The following SLC6A11 variants were observed in gnomAD, a reference collection of about 807,000 sequenced individuals.
SLC6A11 encodes the protein sodium- and chloride-dependent GABA transporter 3.
A neutral mutation model predicts 74.8 loss-of-function variants in SLC6A11; 25 were observed. The ratio of observed to expected loss-of-function variants is 0.33; its 90% CI spans 0.24 to 0.47. The LOEUF (loss-of-function observed/expected upper bound fraction) is 0.47, where lower values mean the gene tolerates loss of function less well. Ranked by LOEUF, SLC6A11 falls within the 20% of genes least tolerant of loss-of-function variation. SLC6A11 has a pLI of 1.00. For missense variants in SLC6A11, 574 were observed against 837.0 expected, an observed-to-expected ratio of 0.69 and a Z score of 3.88; for synonymous variants, 330 against 330.2, an observed-to-expected ratio of 1.00 and a Z score of 0.01.
intron 6 of SLC6A11, among the ~76,000 whole-genome samples, chr3:10,910,367 G>T (rs1267496362): frequency 6.6e-6 from 1 of 152,132 alleles, no homozygotes; most frequent in African/African-American, 2.4e-5. Flanking sequence ...GTGGGCATGA[G>T]TATTTTCTTT....
rs1241509443 is a variant in SLC6A11 at position 10,915,968 on chromosome 3, C to T, written c.996-2361C>T. ...AGCATGGGCTTTGATCTATGTGACT[C>T]ATCTCCCTCAGCCTCAGGATTCAGT... On this transcript the variant is annotated intron_variant, in intron 7 of 13. Coordinates refer to ENST00000254488, the MANE Select transcript of SLC6A11 (RefSeq NM_014229.3). This position sits in a 1 kb window ranked among gnomAD's most constrained non-coding sequence, Gnocchi z 4.3. Among the ~76,000 whole-genome samples the T allele has an allele frequency of 6.6e-6, 1 of 152,178 alleles. No individual in the cohort carries two copies. Among genetic ancestry groups the T allele is most frequent in the African/African-American group, 2.4e-5 (1 of 41,436 alleles).
chr3:10,854,653 A>G (rs78997684), intron 5 of SLC6A11, among the ~76,000 whole-genome samples: 5 of 152,288 alleles, frequency 3.3e-5, no homozygotes, highest in Non-Finnish European at 7.4e-5. Context: ...TAAGGAAGCC[A>G]TTCGAGGTCT....
At chr3:10,867,601 G>A (rs367658590) in intron 5 of SLC6A11, among the ~76,000 whole-genome samples, 2 of 152,206 alleles carry the variant, frequency 1.3e-5, no homozygotes, top group Non-Finnish European at 2.9e-5. Flanking sequence ...GGCTGACTGA[G>A]AGAGCAAGGA....
intron 5 of SLC6A11, among the ~76,000 whole-genome samples, chr3:10,869,530 C>T (rs907660400): frequency 6.6e-6 from 1 of 152,226 alleles, no homozygotes; most frequent in African/African-American, 2.4e-5. Context: ...TGGGGATGGA[C>T]TCTGTGGACA....
At chr3:10,831,897 G>T (rs1404748438) in intron 4 of SLC6A11, among the ~76,000 whole-genome samples, 1 of 152,106 alleles carries the variant, frequency 6.6e-6, no homozygotes, top group Non-Finnish European at 1.5e-5. Context: ...GTGAAATGAA[G>T]CATGCTTTCT....
intron 6 of SLC6A11, among the ~76,000 whole-genome samples, chr3:10,898,093 G>A (rs1442932013): frequency 6.6e-6 from 1 of 152,196 alleles, no homozygotes; most frequent in Non-Finnish European, 1.5e-5. Flanking sequence ...GGGACACAAG[G>A]CACCATGTCC....
chr3:10,848,175 ACCTGTTC>A (rs1694527994), intron 5 of SLC6A11, among the ~76,000 whole-genome samples: 1 of 152,198 alleles, frequency 6.6e-6, no homozygotes, highest in African/African-American at 2.4e-5. Context: ...TGAGCATTTC[ACCTGTTC>A]AGGGAGGCAG....
chr3:10,892,396 G>A (rs115193156), intron 6 of SLC6A11, among the ~76,000 whole-genome samples: 2 of 152,026 alleles, frequency 1.3e-5, no homozygotes, highest in Admixed American at 6.6e-5. Flanking sequence ...TACCCATCTC[G>A]GTCCTTCATG....
chr3:10,930,910 C>G (rs1006072211), intron 10 of SLC6A11, among the ~76,000 whole-genome samples: 2 of 152,164 alleles, frequency 1.3e-5, no homozygotes, highest in Non-Finnish European at 2.9e-5. Context: ...TGGGGCTTCA[C>G]ATGCCAACCT....
At chr3:10,867,257 A>G (rs1694776899) in intron 5 of SLC6A11, among the ~76,000 whole-genome samples, 1 of 152,186 alleles carries the variant, frequency 6.6e-6, no homozygotes, top group Non-Finnish European at 1.5e-5. Flanking sequence ...AGAAGACAAG[A>G]TGGCAGCACC....
intron 4 of SLC6A11, chr3:10,825,293 T>C (rs1694194177): frequency 1.3e-5 from 2 of 152,356 alleles, no homozygotes; most frequent in South Asian, 4.1e-4. Context: ...GCCAGTGTAA[T>C]GGGCATTAAA....
At chr3:10,874,925 C>G (rs778056228) in intron 5 of SLC6A11, 36 bp from the exon 6 acceptor site, 1 of 1,571,312 alleles carries the variant, frequency 6.4e-7, no homozygotes, top group South Asian at 1.2e-5. Context: ...TTGCTCTCAC[C>G]CCCTTCTTGA....
intron 5 of SLC6A11, among the ~76,000 whole-genome samples, chr3:10,863,652 G>A (rs971451762): frequency 1.3e-5 from 2 of 152,166 alleles, no homozygotes; most frequent in Admixed American, 6.5e-5. Flanking sequence ...AGAAGACATG[G>A]TCATTGAACT....
intron 8 of SLC6A11, among the ~76,000 whole-genome samples, chr3:10,923,365 A>G (rs1304421489): frequency 6.6e-6 from 1 of 152,152 alleles, no homozygotes; most frequent in African/African-American, 2.4e-5. Context: ...GTGCTCAGAA[A>G]GAAAGGTTTG....
intron 7 of SLC6A11, among the ~76,000 whole-genome samples, chr3:10,912,518 A>G (rs961017964): frequency 6.6e-6 from 1 of 152,242 alleles, no homozygotes; most frequent in African/African-American, 2.4e-5. Context: ...GAGCTAGTAT[A>G]TACACCAAGG....
At chr3:10,933,101 C>T (rs1559588788) in intron 10 of SLC6A11, 50 bp from the exon 11 acceptor site, 1 of 1,338,620 alleles carries the variant, frequency 7.5e-7, no homozygotes, top group South Asian at 1.2e-5. Context: ...ACCCTGCTCT[C>T]CCGTGTGTCC....
chr3:10,906,034 A>G (rs141297365), intron 6 of SLC6A11, among the ~76,000 whole-genome samples: 1 of 152,248 alleles, frequency 6.6e-6, no homozygotes, highest in African/African-American at 2.4e-5. Flanking sequence ...TCTCTTGAAC[A>G]TCTCACTTGA....
At chr3:10,912,285 C>A in intron 7 of SLC6A11, 92 bp downstream of exon 7, 1 of 860,124 alleles carries the variant, frequency 1.2e-6, no homozygotes, top group Non-Finnish European at 2.0e-6. Context: ...GCCCACCTTG[C>A]AGGGCCCCAG....
At chr3:10,931,474 C>G (rs929937505) in intron 10 of SLC6A11, among the ~76,000 whole-genome samples, 2 of 152,162 alleles carry the variant, frequency 1.3e-5, no homozygotes, top group Non-Finnish European at 2.9e-5. Context: ...TGCTCCTGAC[C>G]CCCACAGACC....
Sources: allele counts gnomAD v4.1 joint callset (sites outside exome capture counted in the v4.1 genomes callset), GRCh38; gene constraint gnomAD v4.1.1; non-coding constraint Gnocchi (gnomAD v3.1); transcripts MANE v1.5; gene names NCBI Gene and HGNC (gene_info 2026-07-23, HGNC 2026-07-21).